The following ZNF142 variants were observed in gnomAD, a reference collection of about 807,000 sequenced individuals.
The protein encoded by ZNF142 is zinc finger protein 142, also known as zinc finger protein 142 (clone pHZ-49).
In ZNF142, 96 loss-of-function variants were observed where a neutral mutation model predicts 132.1. The observed-to-expected ratio is 0.73, with a 90% CI of 0.62 to 0.86. The LOEUF (loss-of-function observed/expected upper bound fraction) is 0.86. Ranked by LOEUF, ZNF142 falls within the 40% of genes least tolerant of loss-of-function variation. The pLI, the probability that ZNF142 is intolerant of heterozygous loss-of-function variation, is 0.00. For missense variants in ZNF142, 2,163 were observed against 2,336.2 expected (o/e 0.93, Z 1.53); for synonymous variants, 842 against 890.1 (o/e 0.95, Z 0.96).
rs755534894 is a variant in ZNF142, at chr2:218,642,394, C to T, written c.4722G>A (p.Arg1574=). The T allele has an allele frequency of 8.7e-6, 14 of 1,612,946 alleles. No homozygotes were observed. In the South Asian group the frequency reaches 1.4e-4, roughly 16 times the overall value. ...GACAGCGGTGGCTGAAATGCTGCTG[C>T]CTCCGGTGCTCATCCAGAGCCAGTC... ...PSRLALDEHR[R]QQHFSHRCQL... is the part of the protein sequence containing the mutation. The change falls in exon 9 of 11, where the codon AGG becomes AGA. Residue 1574 remains arginine, a synonymous_variant. Transcript: ENST00000411696. The surrounding 1 kb of genome is among the most constrained non-coding windows in gnomAD (Gnocchi z 4.6).
In ZNF142 at chr2:218,651,738, A is replaced by AG; in HGVS notation, c.842dup (p.Ala282CysfsTer38). The AG allele has an allele frequency of 7.8e-7, 1 of 1,289,606 alleles. No individual in the cohort carries two copies. The allele number at this position is 1,289,606 out of a possible 1,614,324, so 79.9% of individuals were successfully genotyped here. ...CCTGGGATGGAAGGCCCTGAACGGC[A>AG]GAAAGTTCTCCCTGTGTCCCAGCAC... On this transcript the variant is annotated frameshift_variant, in exon 5 of 11. Transcript: ENST00000411696. LOFTEE classifies it high-confidence loss of function.
chr2:218,644,752 G>C lies in ZNF142; in HGVS notation c.2364C>G (p.Leu788=). The C allele has an allele frequency of 8.1e-6, 13 of 1,614,248 alleles. No individual in the cohort carries two copies. The highest frequency in any genetic ancestry group is 1.3e-5 in the African/African-American group (1 of 75,068). The part of the protein sequence containing the change: ...CDYRTFSNTT[L]LFHKRKAHGY... ...CATGGGCCTTGCGTTTATGGAACAA[G>C]AGTGTGGTGTTGCTGAAGGTGCGGT... The change falls in exon 9 of 11, where the codon CTC becomes CTG. Residue 788 remains leucine, a synonymous_variant. Transcript: ENST00000411696. The surrounding 1 kb of genome is among the most constrained non-coding windows in gnomAD (Gnocchi z 4.6).
intron 4 of ZNF142, among the ~76,000 whole-genome samples, chr2:218,654,240 G>A (rs1938274485): frequency 2.0e-5 from 3 of 152,152 alleles, no homozygotes; most frequent in South Asian, 2.1e-4. Flanking sequence ...TGTAAAATTT[G>A]CTATGTAGCT....
rs990616431 is a variant in ZNF142, at chr2:218,634,874, T to C, written c.*3465A>G. ...GCAAAATAGGGGTAACACTACCACC[T>C]GCCTCACAGGGTTATAAGGAGTATA... On this transcript the variant is annotated 3_prime_UTR_variant, in exon 11 of 11. Coordinates refer to ENST00000411696, the MANE Select transcript of ZNF142 (RefSeq NM_001379659.1). This position sits in a 1 kb window ranked among gnomAD's most constrained non-coding sequence, Gnocchi z 4.0. Among the ~76,000 whole-genome samples the C allele has an allele frequency of 1.3e-5, 2 of 152,220 alleles. No homozygotes were observed. Among genetic ancestry groups the C allele is most frequent in the Admixed American group, 6.5e-5 (1 of 15,280 alleles).
At chr2:218,641,956 T>C (rs1403484242) in intron 9 of ZNF142, 72 bp downstream of exon 9, 4 of 1,539,340 alleles carry the variant, frequency 2.6e-6, no homozygotes, top group South Asian at 2.5e-5. Context: ...GAGTCAGCTA[T>C]AGAGAACCAA....
intron 7 of ZNF142, among the ~76,000 whole-genome samples, 174 bp from the exon 8 acceptor site, chr2:218,646,522 GACA>G (rs1211979717): frequency 2.0e-5 from 3 of 152,034 alleles, no homozygotes; most frequent in Non-Finnish European, 4.4e-5. Context: ...GGCCCTCTCA[GACA>G]ACTACTCCCC....
intron 7 of ZNF142, 46 bp downstream of exon 7, chr2:218,648,589 C>T: frequency 3.8e-6 from 6 of 1,565,266 alleles, no homozygotes; most frequent in Non-Finnish European, 5.2e-6. Context: ...CCAGTATCAC[C>T]ACCATCATTA....
At chr2:218,639,981 G>A (rs1463707248) in intron 10 of ZNF142, among the ~76,000 whole-genome samples, 11 of 134,606 alleles carry the variant, frequency 8.2e-5, no homozygotes, top group Admixed American at 2.6e-4. Flanking sequence ...GTGTGAACCC[G>A]GAAGGCAGAG....
chr2:218,653,541 C>T (rs1938213147), intron 4 of ZNF142, among the ~76,000 whole-genome samples: 1 of 150,952 alleles, frequency 6.6e-6, no homozygotes, highest in African/African-American at 2.4e-5. Context: ...CGCCATTGCA[C>T]TGCAGCCTGG....
At chr2:218,641,960 G>C (rs1170770345) in intron 9 of ZNF142, 68 bp downstream of exon 9, 2 of 1,551,076 alleles carry the variant, frequency 1.3e-6, no homozygotes, top group Non-Finnish European at 1.7e-6. Flanking sequence ...CAGCTATAGA[G>C]AACCAAGGCA....
rs748919008 is a variant in ZNF142, at chr2:218,648,632, T to C, written c.1873+3A>G. 4.3e-6 allele frequency: 7 copies of C among 1,610,910 alleles called. No individual in the cohort carries two copies. In the African/African-American group the frequency reaches 9.3e-5, roughly 22 times the overall value. The stretch of plus-strand genomic sequence containing the variant: ...ATTATTTTAAGGATGGAAACCATCC[T>C]ACCCGTATGTAGAAGCATGTGTCGG... On this transcript the variant is annotated splice_donor_region_variant and intron_variant, in intron 7 of 10. Coordinates refer to ENST00000411696, the MANE Select transcript of ZNF142 (RefSeq NM_001379659.1).
chr2:218,650,429 T>G lies in ZNF142; in HGVS notation c.978A>C (p.Glu326Asp). 1 of 1,614,234 alleles carries G rather than the reference T, an allele frequency of 6.2e-7. No individual in the cohort carries two copies. Among genetic ancestry groups the G allele is most frequent in the Non-Finnish European group, 8.5e-7 (1 of 1,180,026 alleles). ...ETAEEENVEKEEKSDTQKDSQ... is the reference protein window; with the variant it reads ...ETAEEENVEKDEKSDTQKDSQ... ...AGTCCTTCTGGGTGTCACTCTTCTCTTCTTTCTCTACATTCTCCTCTTCAG... is the reference window on the plus strand; with the variant it reads ...AGTCCTTCTGGGTGTCACTCTTCTCGTCTTTCTCTACATTCTCCTCTTCAG... Residue 326 changes from glutamate to aspartate, a missense_variant, in exon 6 of 11, where the codon GAA becomes GAC. Physicochemically the swap from Glu to Asp is conservative, Grantham distance 45 (BLOSUM62 2). Transcript: ENST00000411696.
rs199754586 is a variant in ZNF142, at chr2:218,642,495, C to A, written c.4621G>T (p.Ala1541Ser). Residue 1541 changes from alanine to serine, a missense_variant, in exon 9 of 11, where the codon GCC becomes TCC. Physicochemically the swap from Ala to Ser is moderately conservative, Grantham distance 99 (BLOSUM62 1). This residue lies in a region of ZNF142 where 809 missense variants were observed against 801.7 expected (regional missense o/e 1.01). Coordinates refer to ENST00000411696, the MANE Select transcript of ZNF142 (RefSeq NM_001379659.1). The surrounding 1 kb of genome is among the most constrained non-coding windows in gnomAD (Gnocchi z 4.6). ...SRCGLLCPSP[A>S]SLRGHTRKQH... is the part of the protein sequence containing the mutation. Reference sequence around the variant, plus strand: ...TTACGGGTGTGTCCTCGTAAGCTGGCAGGGCTGGGGCACAGCAACCCACAG... The same window carrying A: ...TTACGGGTGTGTCCTCGTAAGCTGGAAGGGCTGGGGCACAGCAACCCACAG... 1.2e-6 allele frequency: 2 copies of A among 1,607,002 alleles called. No homozygotes were observed. Among genetic ancestry groups the A allele is most frequent in the Non-Finnish European group, 1.7e-6 (2 of 1,175,922 alleles).
chr2:218,642,444 C>A lies in ZNF142; in HGVS notation c.4672G>T (p.Ala1558Ser). 6.2e-7 allele frequency: 1 copy of A among 1,612,322 alleles called. No homozygotes were observed. ...RKQHPRLECGACQEAFPSRLA... is the reference protein window; with the variant it reads ...RKQHPRLECGSCQEAFPSRLA... ...CGGCTAGGGAAGGCCTCCTGGCAGG[C>A]CCCACACTCAAGCCGTGGGTGCTGT... is the stretch of plus-strand genomic sequence containing the variant. The change falls in exon 9 of 11, where the codon GCC (alanine) becomes TCC (serine). Residue 1558 changes from alanine to serine, a missense_variant. Physicochemically the swap from Ala to Ser is moderately conservative, Grantham distance 99 (BLOSUM62 1). Around this residue, in one of 7 missense-constraint regions of ZNF142, gnomAD observed 809 missense variants for 801.7 expected, o/e 1.01. Transcript: ENST00000411696. This position sits in a 1 kb window ranked among gnomAD's most constrained non-coding sequence, Gnocchi z 4.6.
In ZNF142 at chr2:218,638,217, A is replaced by G; in HGVS notation, c.*122T>C. On this transcript the variant is annotated 3_prime_UTR_variant, in exon 11 of 11. Transcript: ENST00000411696. ...ATAGCCAGAGTCCCAGGAAGGTTCTAGTCACCCTTGTACCCCAAAAGCCAG... is the reference window on the plus strand; with the variant it reads ...ATAGCCAGAGTCCCAGGAAGGTTCTGGTCACCCTTGTACCCCAAAAGCCAG... The G allele has an allele frequency of 1.1e-6, 1 of 932,734 alleles. No homozygotes were observed. Among genetic ancestry groups the G allele is most frequent in the Non-Finnish European group, 1.5e-6 (1 of 681,660 alleles). 57.8% of individuals were successfully genotyped at this position (932,734 alleles called of 1,614,324 possible).
chr2:218,636,168 G>C lies in ZNF142; in HGVS notation c.*2171C>G. On this transcript the variant is annotated 3_prime_UTR_variant, in exon 11 of 11. Transcript: ENST00000411696. ...ATGCTGATTGCCATCTAGATTAAATGAGAACACAAGAAAAGCAACCCAGTC... is the reference window on the plus strand; with the variant it reads ...ATGCTGATTGCCATCTAGATTAAATCAGAACACAAGAAAAGCAACCCAGTC... The C allele has an allele frequency of 6.7e-7, 1 of 1,498,770 alleles. No homozygotes were observed. Among genetic ancestry groups the C allele is most frequent in the South Asian group, 1.2e-5 (1 of 85,772 alleles). 92.8% of individuals were successfully genotyped at this position (1,498,770 alleles called of 1,614,324 possible).
rs1299267430 is a variant in ZNF142 at position 218,635,848 on chromosome 2, T to C, written c.*2491A>G. ...GTGGACAAGACCAAAGAGGGGTCCA[T>C]TGTGGATCCACTGGTGAAAGTGCAG... On this transcript the variant is annotated 3_prime_UTR_variant, in exon 11 of 11. Coordinates refer to ENST00000411696, the MANE Select transcript of ZNF142 (RefSeq NM_001379659.1). 6.2e-7 allele frequency: 1 copy of C among 1,613,758 alleles called. No homozygotes were observed. Among genetic ancestry groups the C allele is most frequent in the African/African-American group, 1.3e-5 (1 of 74,896 alleles).
Position 218,644,471 on chromosome 2 carries a change from C to T in ZNF142, c.2645G>A (p.Ser882Asn). The T allele has an allele frequency of 6.2e-7, 1 of 1,614,002 alleles. No homozygotes were observed. Among genetic ancestry groups the T allele is most frequent in the Non-Finnish European group, 8.5e-7 (1 of 1,180,010 alleles). Residue 882 changes from serine (S) to asparagine (N), a missense_variant, in exon 9 of 11, where the codon AGT becomes AAT. Physicochemically the swap from Ser to Asn is conservative, Grantham distance 46. Around this residue, in one of 7 missense-constraint regions of ZNF142, gnomAD observed 749 missense variants for 830.3 expected, o/e 0.90. Transcript: ENST00000411696. This position sits in a 1 kb window ranked among gnomAD's most constrained non-coding sequence, Gnocchi z 4.6. ...EAPHGGDLGG[S>N]PSPAEVEEGS... ...CTCCTCCACCTCTGCTGGGCTGGGA[C>T]TGCCACCCAGGTCACCCCCATGGGG... is the stretch of plus-strand genomic sequence containing the variant.
Position 218,638,486 on chromosome 2 carries a change from G to A in ZNF142, c.5517C>T (p.His1839=), listed in dbSNP as rs775379914. ...KAKQKFQVVK[H]VRRHHPDQAD... ...CTTGGTCAGGGTGGTGCCTGCGTACGTGCTTGACCACCTGGAACTTTTGCT... is the reference window on the plus strand; with the variant it reads ...CTTGGTCAGGGTGGTGCCTGCGTACATGCTTGACCACCTGGAACTTTTGCT... Residue 1839 remains histidine (H), a synonymous_variant, in exon 11 of 11, where the codon CAC becomes CAT. Coordinates refer to ENST00000411696, the MANE Select transcript of ZNF142 (RefSeq NM_001379659.1). 14 of 1,602,346 alleles carry A rather than the reference G, an allele frequency of 8.7e-6. No individual in the cohort carries two copies. Among genetic ancestry groups the A allele is most frequent in the Admixed American group, 6.7e-5 (4 of 59,446 alleles).
Sources: gnomAD v4.1 joint callset for allele counts (sites outside exome capture counted in the v4.1 genomes callset) on GRCh38, gnomAD v4.1.1 for gene constraint, gnomAD v4.1.1 regional missense constraint, Gnocchi (gnomAD v3.1) non-coding constraint, MANE v1.5 for transcripts, NCBI Gene and HGNC (gene_info 2026-07-23, HGNC 2026-07-21) for gene names.